The following ACOT11 variants were observed in gnomAD, a reference collection of about 807,000 sequenced individuals.
ACOT11 encodes the protein acyl-coenzyme A thioesterase 11.
ACOT11 carries 69 observed loss-of-function variants against 77.5 expected under a neutral mutation model. The ratio of observed to expected loss-of-function variants is 0.89; its 90% CI spans 0.73 to 1.09. ACOT11 has a LOEUF of 1.09. ACOT11 is among the 50% of genes least tolerant of loss of function. The probability of loss-of-function intolerance (pLI) is 0.00; values close to 1 mark genes in which losing one functional copy is unlikely to be tolerated. For synonymous variants in ACOT11, 279 were observed against 313.0 expected, an observed-to-expected ratio of 0.89 and a Z score of 1.15; for missense variants, 766 against 813.7, an observed-to-expected ratio of 0.94 and a Z score of 0.71.
intron 15 of ACOT11, chr1:54,620,041 TC>T: frequency 6.2e-7 from 1 of 1,606,996 alleles, no homozygotes; most frequent in Non-Finnish European, 8.5e-7. Flanking sequence ...TTAGCGTCTG[TC>T]CTCGCCCCAG....
At chr1:54,612,723 C>A, downstream of ACOT11, 1 of 1,608,006 alleles carries the variant, frequency 6.2e-7, no homozygotes, top group South Asian at 1.1e-5. Flanking sequence ...GCAAAAAAAT[C>A]AGAGATGTTG....
chr1:54,577,334 A>G lies in ACOT11; in HGVS notation c.34-7321A>G, dbSNP rs113312147. ...TCTGCCCCCAGCCCCGGCAACCACC[A>G]ATCAGCTTTTTGTTTCTATAGATTT... On this transcript the variant is annotated intron_variant, in intron 1 of 15. Coordinates refer to ENST00000343744, the MANE Select transcript of ACOT11 (RefSeq NM_147161.4). 1.3e-3 allele frequency among the ~76,000 whole-genome samples: 197 copies of G among 152,206 alleles called. 1 individual carries two copies. The highest frequency in any genetic ancestry group is 2.5e-3 in the Non-Finnish European group (171 of 67,992).
intron 16 of ACOT11, among the ~76,000 whole-genome samples, chr1:54,631,294 G>A (rs2101033840): frequency 6.6e-6 from 1 of 152,208 alleles, no homozygotes; most frequent in African/African-American, 2.4e-5. Context: ...ACACCCCCCA[G>A]ATCAACAGGG....
rs1445324579 is a variant in ACOT11 at position 54,597,316 on chromosome 1, G to T, written c.665G>T (p.Ser222Ile). The T allele has an allele frequency of 2.5e-6, 4 of 1,613,774 alleles. No individual in the cohort carries two copies. In the African/African-American group the frequency reaches 4.0e-5, roughly 16 times the overall value. The change falls in exon 7 of 16, where the codon AGT becomes ATT. Residue 222 changes from serine to isoleucine, a missense_variant. Ser to Ile is a moderately radical substitution (Grantham distance 142). Transcript: ENST00000343744. Reference sequence around the variant, plus strand: ...CCGGCTGAGAAGACCCGTGTGGAGAGTGTGGAGCTGGTCCTGCCTCCCCAC... The same window carrying T: ...CCGGCTGAGAAGACCCGTGTGGAGATTGTGGAGCTGGTCCTGCCTCCCCAC... Reference protein sequence around the residue: ...MVPAEKTRVESVELVLPPHAN... With the variant: ...MVPAEKTRVEIVELVLPPHAN...
intron 15 of ACOT11, chr1:54,615,883 A>G (rs981501995): frequency 3.5e-6 from 3 of 866,264 alleles, no homozygotes; most frequent in Non-Finnish European, 5.5e-6. Flanking sequence ...GGGCATCTAT[A>G]ACATTGTGAT....
intron 9 of ACOT11, among the ~76,000 whole-genome samples, chr1:54,601,854 G>A (rs902666926): frequency 3.9e-5 from 6 of 152,228 alleles, no homozygotes; most frequent in Non-Finnish European, 5.9e-5. Context: ...GCCTGGCTGC[G>A]CCCTGGGAGC....
At chr1:54,597,769 C>T (rs1643907789) in intron 7 of ACOT11, 2 of 229,450 alleles carry the variant, frequency 8.7e-6, no homozygotes, top group Non-Finnish European at 1.7e-5. Flanking sequence ...CCATCCTCCA[C>T]TTTCCCAGCC....
chr1:54,613,882 C>T (rs1644144109), downstream of ACOT11, among the ~76,000 whole-genome samples: 1 of 152,112 alleles, frequency 6.6e-6, no homozygotes, highest in African/African-American at 2.4e-5. Context: ...AGCTTAGAAT[C>T]AGAAAGGCCT....
intron 1 of ACOT11, among the ~76,000 whole-genome samples, chr1:54,570,259 T>C (rs1653886840): frequency 6.6e-6 from 1 of 152,236 alleles, no homozygotes; most frequent in Non-Finnish European, 1.5e-5. Flanking sequence ...TGCCACAGAC[T>C]CTGTCCTATT....
chr1:54,562,233 T>C (rs1362226696), intron 1 of ACOT11, among the ~76,000 whole-genome samples: 3 of 80,342 alleles, frequency 3.7e-5, no homozygotes, highest in African/African-American at 1.4e-4. Context: ...CCCCCCCACC[T>C]CCCTCCCGGA....
chr1:54,554,274 C>T (rs1268274951), intron 1 of ACOT11, among the ~76,000 whole-genome samples: 1 of 139,040 alleles, frequency 7.2e-6, no homozygotes, highest in Non-Finnish European at 1.5e-5. Flanking sequence ...ATTTTTATGG[C>T]TGAATAGTAT....
intron 8 of ACOT11, among the ~76,000 whole-genome samples, chr1:54,600,899 T>C (rs972655218): frequency 9.9e-5 from 15 of 152,182 alleles, no homozygotes; most frequent in African/African-American, 3.4e-4. Context: ...GGTTGCCTCC[T>C]CCCCTGACTG....
At chr1:54,558,876 T>A (rs1653362663) in intron 1 of ACOT11, among the ~76,000 whole-genome samples, 1 of 152,204 alleles carries the variant, frequency 6.6e-6, no homozygotes, top group South Asian at 2.1e-4. Context: ...GAGGGCTCCC[T>A]TGTCCCCAGG....
rs1557668106 is a variant in ACOT11, at chr1:54,609,597, CCA to C, written c.*488_*489del. On this transcript the variant is annotated 3_prime_UTR_variant, in exon 16 of 16. Transcript: ENST00000343744. Reference sequence around the variant, plus strand: ...AGCACCTCCTCAGGCCAGCCTGGTGCCACAGTCACGTGGGGGAAGACCTCAGC... The same window carrying C: ...AGCACCTCCTCAGGCCAGCCTGGTGCCAGTCACGTGGGGGAAGACCTCAGC... 1.9e-6 allele frequency: 3 copies of C among 1,613,174 alleles called. No homozygotes were observed. Among genetic ancestry groups the C allele is most frequent in the African/African-American group, 1.3e-5 (1 of 74,956 alleles).
At chr1:54,602,287 G>A (rs1213802163) in intron 9 of ACOT11, among the ~76,000 whole-genome samples, 2 of 152,240 alleles carry the variant, frequency 1.3e-5, no homozygotes, top group African/African-American at 4.8e-5. Context: ...ACCAGCCCCA[G>A]CCTCAGAGGG....
At chr1:54,559,565 C>T (rs1348236070) in intron 1 of ACOT11, among the ~76,000 whole-genome samples, 1 of 152,006 alleles carries the variant, frequency 6.6e-6, no homozygotes, top group African/African-American at 2.4e-5. Flanking sequence ...GAGAACTCGG[C>T]ACATAATTGG....
At chr1:54,582,355 C>T (rs1459189760) in intron 1 of ACOT11, 1 of 789,978 alleles carries the variant, frequency 1.3e-6, no homozygotes, top group African/African-American at 1.9e-5. Context: ...TTTGTCCCTC[C>T]ACAAACCTTT....
At position 54,610,312 on chromosome 1, in the gene ACOT11, C is replaced by T. The variant is rs2101013049; in HGVS notation, c.*1200C>T. On this transcript the variant is annotated 3_prime_UTR_variant, in exon 16 of 16. Coordinates refer to ENST00000343744, the MANE Select transcript of ACOT11 (RefSeq NM_147161.4). ...GCATCCAGGGTATGGTGTAAATAAACCTGTGTTGCCATGGCAACAGAGACC... is the reference window on the plus strand; with the variant it reads ...GCATCCAGGGTATGGTGTAAATAAATCTGTGTTGCCATGGCAACAGAGACC... The T allele has an allele frequency of 6.5e-7, 1 of 1,544,384 alleles. No homozygotes were observed. The highest frequency in any genetic ancestry group is 8.7e-7 in the Non-Finnish European group (1 of 1,147,398).
chr1:54,556,163 G>A (rs1294832394), intron 1 of ACOT11, among the ~76,000 whole-genome samples: 1 of 152,116 alleles, frequency 6.6e-6, no homozygotes, highest in Non-Finnish European at 1.5e-5. Context: ...GTGTGTTCTG[G>A]CACCTTTGTT....
Sources: gnomAD v4.1 joint callset for allele counts (sites outside exome capture counted in the v4.1 genomes callset) on GRCh38, gnomAD v4.1.1 for gene constraint, MANE v1.5 for transcripts, NCBI Gene and HGNC (gene_info 2026-07-23, HGNC 2026-07-21) for gene names.